The following DTWD2 variants were observed in gnomAD, a reference collection of about 807,000 sequenced individuals.
The protein encoded by DTWD2 is tRNA-uridine aminocarboxypropyltransferase 2.
Under a neutral mutation model 31.8 loss-of-function variants are expected in DTWD2, and 39 were observed. The observed-to-expected ratio is 1.22, with a 90% CI of 0.95 to 1.60. The LOEUF is 1.60. DTWD2 is among the 40% of genes most tolerant of loss of function. The pLI, the probability that DTWD2 is intolerant of heterozygous loss-of-function variation, is 0.00. For missense variants in DTWD2, 515 were observed against 381.5 expected (o/e 1.35, Z -2.92); for synonymous variants, 180 against 142.8 (o/e 1.26, Z -1.86).
chr5:118,908,453 T>G (rs1393997854), intron 4 of DTWD2, among the ~76,000 whole-genome samples: 1 of 152,174 alleles, frequency 6.6e-6, no homozygotes, highest in East Asian at 1.9e-4. Context: ...AGAAATTAAA[T>G]GAGTTGTGTT....
chr5:118,919,743 A>G (rs2149574668), intron 4 of DTWD2, among the ~76,000 whole-genome samples: 1 of 152,380 alleles, frequency 6.6e-6, no homozygotes, highest in South Asian at 2.1e-4. Context: ...TATGATGTTT[A>G]TCATTCCTGT....
intron 4 of DTWD2, among the ~76,000 whole-genome samples, chr5:118,879,911 T>A (rs969906245): frequency 6.6e-6 from 1 of 152,112 alleles, no homozygotes; most frequent in African/African-American, 2.4e-5. Context: ...ATGACACACA[T>A]TTACCTTTGT....
chr5:118,939,112 G>T, intron 3 of DTWD2, 84 bp downstream of exon 3: 1 of 1,330,518 alleles, frequency 7.5e-7, no homozygotes, highest in Non-Finnish European at 1.0e-6. Flanking sequence ...CCATGAATAA[G>T]CTGAAAGAAA....
chr5:118,849,794 C>T (rs1251885455), intron 4 of DTWD2, among the ~76,000 whole-genome samples: 1 of 152,094 alleles, frequency 6.6e-6, no homozygotes, highest in East Asian at 1.9e-4. Context: ...CCAAACACCA[C>T]ATGTTTTCAC....
chr5:118,944,916 C>T (rs1341422413), intron 1 of DTWD2, among the ~76,000 whole-genome samples: 1 of 152,088 alleles, frequency 6.6e-6, no homozygotes, highest in African/African-American at 2.4e-5. Context: ...AGAAAGAATA[C>T]CTATAAGTCA....
At chr5:118,974,740 G>A (rs1013219869) in intron 1 of DTWD2, 8 of 451,780 alleles carry the variant, frequency 1.8e-5, no homozygotes, top group Non-Finnish European at 3.5e-5. Context: ...TTTTTGGCCT[G>A]TTTGATGTAT....
chr5:118,908,656 CAAAA>C (rs771874998), intron 4 of DTWD2, among the ~76,000 whole-genome samples: 1 of 133,368 alleles, frequency 7.5e-6, no homozygotes, highest in Non-Finnish European at 1.6e-5. Context: ...CCACCACCAC[CAAAA>C]AAAAAAAAAG....
rs181511994 is a variant in DTWD2 at position 118,888,242 on chromosome 5, G to A, written c.598-40024C>T. 4.0e-3 allele frequency among the ~76,000 whole-genome samples: 607 copies of A among 152,184 alleles called. 2 individuals carry two copies. The highest frequency in any genetic ancestry group is 0.013 in the African/African-American group (545 of 41,522). ...ACCCTTTGTAATCTCTACTTCTTGC[G>A]TCTCTCCTTCTCTTTCCTTCTTCCT... On this transcript the variant is annotated intron_variant, in intron 4 of 5. Transcript: ENST00000510708.
chr5:118,927,894 AT>A (rs756669313), intron 4 of DTWD2, among the ~76,000 whole-genome samples: 39 of 152,254 alleles, frequency 2.6e-4, no homozygotes, highest in Non-Finnish European at 4.9e-4. Flanking sequence ...AGTTAACATT[AT>A]TTTAATAACC....
rs145723702 is a variant in DTWD2, at chr5:118,881,097, A to G, written c.598-32879T>C. On this transcript the variant is annotated intron_variant, in intron 4 of 5. Coordinates refer to ENST00000510708, the MANE Select transcript of DTWD2 (RefSeq NM_173666.4). ...ACATACATCTATTTTGGAGAAAAAT[A>G]CTTTATTCCTGCAACAAAATACTTA... Among the ~76,000 whole-genome samples the G allele has an allele frequency of 1.1e-3, 168 of 152,336 alleles. 1 individual carries two copies. The East Asian group carries it at 0.029, about 26-fold the overall frequency.
chr5:118,868,227 T>G (rs773833917), intron 4 of DTWD2, among the ~76,000 whole-genome samples: 3 of 151,902 alleles, frequency 2.0e-5, no homozygotes, highest in Non-Finnish European at 4.4e-5. Flanking sequence ...AGAATGTTGT[T>G]GGGCCCTTAG....
intron 4 of DTWD2, among the ~76,000 whole-genome samples, chr5:118,880,905 T>G (rs1368153891): frequency 6.6e-6 from 1 of 152,172 alleles, no homozygotes; most frequent in East Asian, 1.9e-4. Flanking sequence ...TATACAGCTT[T>G]TTGGAACTCG....
chr5:118,887,893 G>A (rs1752901258), intron 4 of DTWD2, among the ~76,000 whole-genome samples: 1 of 152,068 alleles, frequency 6.6e-6, no homozygotes. Flanking sequence ...CTCCTGCCTT[G>A]GCCTCCCAAA....
Position 118,837,724 on chromosome 5 carries a change from G to A in DTWD2, c.*3193C>T, listed in dbSNP as rs1010293079. The A allele has an allele frequency of 3.9e-5, 6 of 152,060 alleles. No individual in the cohort carries two copies. Among genetic ancestry groups the A allele is most frequent in the African/African-American group, 1.5e-4 (6 of 41,376 alleles). The allele number at this position is 152,060 out of a possible 1,614,324, so 9.4% of individuals were successfully genotyped here. The stretch of plus-strand genomic sequence containing the variant: ...AGGACCAGCCTAAACAACACAGCAA[G>A]ACCCCCATCTCCACAAAAATTAAAT... On this transcript the variant is annotated 3_prime_UTR_variant, in exon 6 of 6. Coordinates refer to ENST00000510708, the MANE Select transcript of DTWD2 (RefSeq NM_173666.4).
intron 1 of DTWD2, among the ~76,000 whole-genome samples, chr5:118,963,549 G>A (rs1417242657): frequency 1.3e-5 from 2 of 152,148 alleles, no homozygotes; most frequent in Non-Finnish European, 2.9e-5. Flanking sequence ...AAGCATTGAA[G>A]TTCTCCAGGA....
intron 1 of DTWD2, among the ~76,000 whole-genome samples, chr5:118,964,936 G>A (rs1754796871): frequency 6.6e-6 from 1 of 151,544 alleles, no homozygotes; most frequent in Non-Finnish European, 1.5e-5. Context: ...CTGCCCGGCT[G>A]CCCAGTCTGG....
At chr5:118,881,781 T>C (rs906411343) in intron 4 of DTWD2, among the ~76,000 whole-genome samples, 1 of 152,076 alleles carries the variant, frequency 6.6e-6, no homozygotes, top group African/African-American at 2.4e-5. Context: ...TCCCTCACCA[T>C]CATGAGAATG....
Position 118,917,693 on chromosome 5 carries a change from C to T in DTWD2, c.597+10844G>A, listed in dbSNP as rs541884936. Reference sequence around the variant, plus strand: ...CCCCTTGTAAAATCATCCAATTGGCCGGGCACAGTGGCTCATGCCTATAAT... The same window carrying T: ...CCCCTTGTAAAATCATCCAATTGGCTGGGCACAGTGGCTCATGCCTATAAT... On this transcript the variant is annotated intron_variant, in intron 4 of 5. Coordinates refer to ENST00000510708, the MANE Select transcript of DTWD2 (RefSeq NM_173666.4). 3.3e-5 allele frequency among the ~76,000 whole-genome samples: 5 copies of T among 152,186 alleles called. 1 individual carries two copies. In the South Asian group the frequency reaches 1.0e-3, roughly 32 times the overall value.
At chr5:118,872,133 A>T (rs919031241) in intron 4 of DTWD2, among the ~76,000 whole-genome samples, 2 of 151,988 alleles carry the variant, frequency 1.3e-5, no homozygotes, top group African/African-American at 4.8e-5. Flanking sequence ...AGAATTGAAG[A>T]GAGTTAGAGC....
Sources: allele counts gnomAD v4.1 joint callset (sites outside exome capture counted in the v4.1 genomes callset), GRCh38; gene constraint gnomAD v4.1.1; transcripts MANE v1.5; gene names NCBI Gene and HGNC (gene_info 2026-07-23, HGNC 2026-07-21).